Variants in TENM3 observed in about 807,000 individuals in gnomAD.
TENM3 encodes the protein teneurin-3.
A neutral mutation model predicts 255.1 loss-of-function variants in TENM3; 63 were observed. That is an observed-to-expected ratio of 0.25 (90% CI 0.20 to 0.30). The LOEUF is 0.30. Ranked by LOEUF, TENM3 falls within the 10% of genes least tolerant of loss-of-function variation. The probability of loss-of-function intolerance (pLI) is 1.00; values close to 1 mark genes in which losing one functional copy is unlikely to be tolerated. For missense variants in TENM3, 2,929 were observed against 3,461.1 expected (o/e 0.85, Z 3.86); for synonymous variants, 1,306 against 1,322.3 (o/e 0.99, Z 0.27).
intron 16 of TENM3, 86 bp from the exon 17 acceptor site, chr4:182,736,721 AT>A: frequency 8.1e-7 from 1 of 1,233,746 alleles, no homozygotes; most frequent in Middle Eastern, 2.0e-4. Context: ...CTATTCACAA[AT>A]ATAGTGAATA....
chr4:181,787,027 T>C, the TENM3 span, among the ~76,000 whole-genome samples: 10 of 152,334 alleles, frequency 6.6e-5, no homozygotes, highest in South Asian at 2.1e-3. Context: ...CATGTCCCCT[T>C]TGTAAACTAA....
At chr4:182,496,925 A>G (rs1735821307) in intron 3 of TENM3, among the ~76,000 whole-genome samples, 1 of 152,218 alleles carries the variant, frequency 6.6e-6, no homozygotes, top group African/African-American at 2.4e-5. Context: ...AATGAGACAT[A>G]TTGTAGAATA....
chr4:182,028,721 A>G, the TENM3 span, among the ~76,000 whole-genome samples: 6 of 152,232 alleles, frequency 3.9e-5, no homozygotes, highest in East Asian at 1.9e-4. Context: ...ATTCAGGAGC[A>G]TATTGTTTAA....
intron 22 of TENM3, among the ~76,000 whole-genome samples, chr4:182,767,758 G>A (rs1763845818): frequency 6.6e-6 from 1 of 152,274 alleles, no homozygotes; most frequent in Admixed American, 6.5e-5. Context: ...TGTAACCCAC[G>A]AAGCAGCTCT....
the TENM3 span, among the ~76,000 whole-genome samples, chr4:181,947,700 C>A: frequency 2.0e-5 from 3 of 152,028 alleles, no homozygotes; most frequent in African/African-American, 7.3e-5. Context: ...AAAGTCTTTG[C>A]TCCTCAAGTT....
intron 3 of TENM3, among the ~76,000 whole-genome samples, chr4:182,489,976 A>G (rs1190316893): frequency 6.6e-6 from 1 of 152,178 alleles, no homozygotes; most frequent in Non-Finnish European, 1.5e-5. Flanking sequence ...ATATTATACA[A>G]GGTAGAAAAT....
the TENM3 span, among the ~76,000 whole-genome samples, chr4:181,495,696 C>T: frequency 6.6e-6 from 1 of 151,914 alleles, no homozygotes; most frequent in Non-Finnish European, 1.5e-5. Flanking sequence ...TGTGTGTATG[C>T]CCCTGTGTGC....
the TENM3 span, among the ~76,000 whole-genome samples, chr4:181,983,055 G>A: frequency 3.7e-4 from 56 of 152,160 alleles, no homozygotes; most frequent in African/African-American, 1.2e-3. Context: ...ACCTCTCTGC[G>A]TGCCAGAATA....
chr4:182,087,823 T>TA, the TENM3 span, among the ~76,000 whole-genome samples: 4 of 152,196 alleles, frequency 2.6e-5, no homozygotes, highest in Non-Finnish European at 5.9e-5. Context: ...TCTCCCTAGG[T>TA]ACGTTACACT....
chr4:181,847,139 C>A, the TENM3 span, among the ~76,000 whole-genome samples: 5 of 152,280 alleles, frequency 3.3e-5, no homozygotes, highest in South Asian at 4.1e-4. Flanking sequence ...CATGGCTTCA[C>A]AATTTCCATA....
the TENM3 span, among the ~76,000 whole-genome samples, chr4:181,595,895 C>T: frequency 6.6e-6 from 1 of 152,206 alleles, no homozygotes; most frequent in African/African-American, 2.4e-5. Context: ...TAACACTTCA[C>T]AGAGAGCTAT....
the TENM3 span, among the ~76,000 whole-genome samples, chr4:181,758,846 C>A: frequency 2.6e-5 from 4 of 152,164 alleles, no homozygotes; most frequent in South Asian, 2.1e-4. Flanking sequence ...ATATTCAACA[C>A]CCTCTGGAAT....
At chr4:181,709,537 C>G in the TENM3 span, among the ~76,000 whole-genome samples, 2 of 152,336 alleles carry the variant, frequency 1.3e-5, no homozygotes, top group East Asian at 3.9e-4. Context: ...GCAGAATATT[C>G]CAGGCTGAGG....
chr4:181,691,073 C>T, the TENM3 span, among the ~76,000 whole-genome samples: 1 of 152,020 alleles, frequency 6.6e-6, no homozygotes, highest in Non-Finnish European at 1.5e-5. Flanking sequence ...AGTAAGAAAA[C>T]ATTAAAAATC....
At chr4:182,729,551 T>C (rs1231301737) in intron 14 of TENM3, among the ~76,000 whole-genome samples, 2 of 151,994 alleles carry the variant, frequency 1.3e-5, no homozygotes, top group Non-Finnish European at 2.9e-5. Flanking sequence ...ATATAAATTA[T>C]GAATGAATGT....
intron 13 of TENM3, among the ~76,000 whole-genome samples, chr4:182,726,659 G>A (rs185017949): frequency 2.6e-5 from 4 of 152,290 alleles, no homozygotes; most frequent in African/African-American, 4.8e-5. Flanking sequence ...ATACGCAAAC[G>A]AAAAGTTTCA....
At chr4:182,702,132 A>G (rs1757921656) in intron 12 of TENM3, among the ~76,000 whole-genome samples, 1 of 152,234 alleles carries the variant, frequency 6.6e-6, no homozygotes. Context: ...CAGAAAATAT[A>G]TAAGGGCAAG....
At chr4:181,920,778 T>C in the TENM3 span, among the ~76,000 whole-genome samples, 1 of 152,048 alleles carries the variant, frequency 6.6e-6, no homozygotes, top group Admixed American at 6.6e-5. Flanking sequence ...TTGCCATTGC[T>C]TTTGGTGTTT....
Position 182,730,892 on chromosome 4 carries a change from C to A in TENM3, c.2720C>A (p.Ala907Glu). 6.2e-7 allele frequency: 1 copy of A among 1,613,768 alleles called. No individual in the cohort carries two copies. The highest frequency in any genetic ancestry group is 8.5e-7 in the Non-Finnish European group (1 of 1,179,748). The stretch of plus-strand genomic sequence containing the variant: ...TTCTTTCTTAGGTTTGACTTGGTGG[C>A]AAATGGTGGGGCCTCTCTAACTTTG... The part of the protein sequence containing the change: ...TRQDGMFDLV[A>E]NGGASLTLVF... The change falls in exon 16 of 28, where the codon GCA (alanine) becomes GAA (glutamate). Residue 907 changes from alanine to glutamate, a missense_variant. Coordinates refer to ENST00000511685, the MANE Select transcript of TENM3 (RefSeq NM_001080477.4).
Sources: allele counts gnomAD v4.1 joint callset (sites outside exome capture counted in the v4.1 genomes callset), GRCh38; gene constraint gnomAD v4.1.1; transcripts MANE v1.5; gene names NCBI Gene and HGNC (gene_info 2026-07-23, HGNC 2026-07-21).